LUZP2: variants seen among roughly 807,000 people sequenced by gnomAD.
LUZP2 encodes the protein leucine zipper protein 2.
A neutral mutation model predicts 51.6 loss-of-function variants in LUZP2; 52 were observed. The observed-to-expected ratio is 1.01, with a 90% CI of 0.81 to 1.27. The LOEUF (loss-of-function observed/expected upper bound fraction) is 1.27. Among genes scored for constraint, LUZP2 ranks in the 50% most tolerant of loss-of-function variants. LUZP2 has a pLI of 0.00. For synonymous variants in LUZP2, 154 were observed against 137.3 expected, an observed-to-expected ratio of 1.12 and a Z score of -0.85; for missense variants, 436 against 395.4, an observed-to-expected ratio of 1.10 and a Z score of -0.87.
chr11:24,732,640 T>A (rs1454033582), intron 3 of LUZP2, among the ~76,000 whole-genome samples: 1 of 151,756 alleles, frequency 6.6e-6, no homozygotes, highest in Non-Finnish European at 1.5e-5. Flanking sequence ...CAGTACAATA[T>A]TATTAGTATT....
intron 5 of LUZP2, among the ~76,000 whole-genome samples, chr11:24,869,847 T>G (rs10834515): frequency 0.14 from 21,696 of 152,060 alleles, 1,618 homozygotes; most frequent in African/African-American, 0.17. Context: ...GTCGCAAGTC[T>G]CTTACTTTAA....
chr11:24,816,844 A>T (rs1850196934), intron 5 of LUZP2, among the ~76,000 whole-genome samples: 1 of 152,016 alleles, frequency 6.6e-6, no homozygotes, highest in South Asian at 2.1e-4. Context: ...AGTGATTTTC[A>T]CATTCTTTTT....
chr11:24,981,338 A>G (rs934099755), intron 8 of LUZP2, among the ~76,000 whole-genome samples: 3 of 151,758 alleles, frequency 2.0e-5, no homozygotes, highest in Non-Finnish European at 2.9e-5. Context: ...GTAAAATGTC[A>G]TGGTACTGGT....
intron 5 of LUZP2, among the ~76,000 whole-genome samples, chr11:24,768,354 C>A (rs563343465): frequency 9.9e-5 from 15 of 152,250 alleles, no homozygotes; most frequent in Non-Finnish European, 1.5e-4. Context: ...AGGTGATCCA[C>A]CCGCCTTGGC....
At chr11:24,788,994 T>C (rs1050319664) in intron 5 of LUZP2, among the ~76,000 whole-genome samples, 1 of 152,180 alleles carries the variant, frequency 6.6e-6, no homozygotes, top group African/African-American at 2.4e-5. Context: ...TTCTGGGCAC[T>C]GTGTCCAGCC....
chr11:24,685,841 A>G (rs372216903), intron 1 of LUZP2, among the ~76,000 whole-genome samples: 2 of 152,224 alleles, frequency 1.3e-5, no homozygotes, highest in South Asian at 4.1e-4. Context: ...TGCTTGTTGA[A>G]TGAATAAATA....
intron 5 of LUZP2, among the ~76,000 whole-genome samples, chr11:24,894,548 T>G (rs1349977322): frequency 1.3e-5 from 2 of 151,946 alleles, no homozygotes; most frequent in African/African-American, 4.8e-5. Context: ...TGTGTGATGC[T>G]GAAGGTGAGC....
At chr11:24,602,070 A>G (rs185629640) in intron 1 of LUZP2, among the ~76,000 whole-genome samples, 1,884 of 81,124 alleles carry the variant, frequency 0.023, 98 homozygotes, top group African/African-American at 0.088. Context: ...GTGTATATAT[A>G]TGCGTATATA....
intron 1 of LUZP2, among the ~76,000 whole-genome samples, chr11:24,716,645 C>G (rs1858055653): frequency 6.6e-6 from 1 of 151,994 alleles, no homozygotes. Flanking sequence ...GTCTGTAATC[C>G]CAGCACTTTG....
intron 7 of LUZP2, among the ~76,000 whole-genome samples, chr11:24,936,005 AT>A (rs1854574715): frequency 6.6e-6 from 1 of 152,174 alleles, no homozygotes. Context: ...TCAAAAGCAT[AT>A]TTGTGAATTT....
At chr11:24,568,039 GA>G in intron 1 of LUZP2, among the ~76,000 whole-genome samples, 1 of 152,184 alleles carries the variant, frequency 6.6e-6, no homozygotes, top group East Asian at 1.9e-4. Context: ...ACTGGATTTT[GA>G]AAAAGTCAAC....
At chr11:24,547,818 T>C (rs1431195011) in intron 1 of LUZP2, among the ~76,000 whole-genome samples, 1 of 152,110 alleles carries the variant, frequency 6.6e-6, no homozygotes, top group East Asian at 1.9e-4. Context: ...ACTATGCATC[T>C]GATAAAGGTC....
intron 4 of LUZP2, among the ~76,000 whole-genome samples, chr11:24,748,562 C>T (rs892136169): frequency 1.3e-5 from 2 of 151,752 alleles, no homozygotes; most frequent in Admixed American, 6.6e-5. Flanking sequence ...CAGGTTCAAA[C>T]GATTCTCCTG....
chr11:24,682,378 C>T (rs1856763142), intron 1 of LUZP2, among the ~76,000 whole-genome samples: 1 of 151,526 alleles, frequency 6.6e-6, no homozygotes, highest in Non-Finnish European at 1.5e-5. Context: ...GTCTGTAATC[C>T]TAGCTACTCG....
intron 1 of LUZP2, among the ~76,000 whole-genome samples, chr11:24,577,662 G>A (rs1013442414): frequency 2.0e-5 from 3 of 152,014 alleles, no homozygotes; most frequent in African/African-American, 4.8e-5. Flanking sequence ...AGAAATAAAT[G>A]TAAATTCTGT....
intron 5 of LUZP2, among the ~76,000 whole-genome samples, chr11:24,904,834 A>G (rs1853398609): frequency 6.6e-6 from 1 of 152,078 alleles, no homozygotes; most frequent in Non-Finnish European, 1.5e-5. Context: ...TAAATGGACT[A>G]AAAAAAGACT....
intron 5 of LUZP2, among the ~76,000 whole-genome samples, chr11:24,796,218 C>A (rs549336676): frequency 2.0e-5 from 3 of 152,064 alleles, no homozygotes; most frequent in Non-Finnish European, 4.4e-5. Flanking sequence ...AGACCTTAAG[C>A]AAATGGCATA....
At chr11:25,065,208 T>C (rs1858963944) in intron 10 of LUZP2, among the ~76,000 whole-genome samples, 1 of 151,986 alleles carries the variant, frequency 6.6e-6, no homozygotes, top group Admixed American at 6.6e-5. Context: ...TGGGTTGTTC[T>C]CTACCATGTA....
At chr11:24,687,114 A>G (rs1345192110) in intron 1 of LUZP2, among the ~76,000 whole-genome samples, 1 of 152,194 alleles carries the variant, frequency 6.6e-6, no homozygotes, top group Non-Finnish European at 1.5e-5. Context: ...TGTTTTAAAC[A>G]AAAATCTTTA....
Sources: allele counts gnomAD v4.1 joint callset (sites outside exome capture counted in the v4.1 genomes callset), GRCh38; gene constraint gnomAD v4.1.1; transcripts MANE v1.5; gene names NCBI Gene and HGNC (gene_info 2026-07-23, HGNC 2026-07-21).